Variants in NFIB observed in about 807,000 individuals in gnomAD.
NFIB encodes nuclear factor I B.
Under a neutral mutation model 61.5 loss-of-function variants are expected in NFIB, and 11 were observed. The observed-to-expected ratio is 0.18, with a 90% CI of 0.11 to 0.30. The LOEUF (loss-of-function observed/expected upper bound fraction) is 0.30, where lower values mean the gene tolerates loss of function less well. Among genes scored for constraint, NFIB ranks in the 10% least tolerant of loss-of-function variants. NFIB has a pLI of 1.00. For synonymous variants in NFIB, 260 were observed against 216.5 expected (o/e 1.20, Z -1.76); for missense variants, 471 against 608.9 (o/e 0.77, Z 2.38).
chr9:14,489,333 T>C, the NFIB span, among the ~76,000 whole-genome samples: 2 of 152,172 alleles, frequency 1.3e-5, no homozygotes, highest in African/African-American at 4.8e-5. Flanking sequence ...ATGTAGTTCA[T>C]GAAGAAGTCC....
chr9:14,295,120 G>A (rs1054102765), intron 2 of NFIB, among the ~76,000 whole-genome samples: 1 of 152,214 alleles, frequency 6.6e-6, no homozygotes, highest in African/African-American at 2.4e-5. Flanking sequence ...TTCCTACGGA[G>A]CTCATTTAAT....
chr9:14,506,953 C>A, the NFIB span, among the ~76,000 whole-genome samples: 1 of 152,262 alleles, frequency 6.6e-6, no homozygotes, highest in East Asian at 1.9e-4. Context: ...GTTTTAAATA[C>A]AGACTGTGGG....
At chr9:14,458,941 C>T in the NFIB span, among the ~76,000 whole-genome samples, 7 of 151,996 alleles carry the variant, frequency 4.6e-5, no homozygotes, top group Admixed American at 2.0e-4. Context: ...GGCCATACTG[C>T]CCAAGGTAAT....
At chr9:14,182,602 C>T (rs139977894) in intron 2 of NFIB, among the ~76,000 whole-genome samples, 80 of 152,002 alleles carry the variant, frequency 5.3e-4, no homozygotes, top group African/African-American at 1.9e-3. Context: ...TAAACCCCTT[C>T]CAATTCACCA....
intron 2 of NFIB, among the ~76,000 whole-genome samples, chr9:14,236,207 T>C (rs2053727848): frequency 6.6e-6 from 1 of 152,214 alleles, no homozygotes; most frequent in Non-Finnish European, 1.5e-5. Context: ...TTTATGAATT[T>C]AAGGTTCTCT....
chr9:14,210,502 T>G (rs930764148), intron 2 of NFIB, among the ~76,000 whole-genome samples: 2 of 151,972 alleles, frequency 1.3e-5, no homozygotes, highest in African/African-American at 4.8e-5. Context: ...GCACTTCACT[T>G]ACGAAGAAAA....
chr9:14,426,238 C>G, the NFIB span, among the ~76,000 whole-genome samples: 2 of 152,172 alleles, frequency 1.3e-5, no homozygotes, highest in Non-Finnish European at 2.9e-5. Flanking sequence ...ACTAATCACT[C>G]CATGATTTTC....
the NFIB span, among the ~76,000 whole-genome samples, chr9:14,500,292 C>T: frequency 1.6e-4 from 24 of 152,244 alleles, no homozygotes; most frequent in South Asian, 3.3e-3. Context: ...TTCCCTAAGA[C>T]GTTAAGTGGG....
intron 2 of NFIB, among the ~76,000 whole-genome samples, chr9:14,255,791 G>A (rs529111299): frequency 5.6e-4 from 86 of 152,348 alleles, no homozygotes; most frequent in African/African-American, 1.9e-3. Flanking sequence ...GCACTCAACT[G>A]ACTGTGAGAA....
chr9:14,403,880 A>G (rs2061766237), upstream of NFIB, among the ~76,000 whole-genome samples: 1 of 152,204 alleles, frequency 6.6e-6, no homozygotes, highest in Non-Finnish European at 1.5e-5. Flanking sequence ...TATAAGACAT[A>G]CTCAAGGCCA....
chr9:14,430,830 C>G, the NFIB span, among the ~76,000 whole-genome samples: 1 of 152,144 alleles, frequency 6.6e-6, no homozygotes, highest in Non-Finnish European at 1.5e-5. Flanking sequence ...GATCCAGCCA[C>G]CTCGGCCTCC....
At chr9:14,416,349 A>G in the NFIB span, among the ~76,000 whole-genome samples, 8 of 152,194 alleles carry the variant, frequency 5.3e-5, no homozygotes, top group Non-Finnish European at 1.0e-4. Flanking sequence ...ATTCCAGAAG[A>G]AGGCATTGTT....
intron 1 of NFIB, among the ~76,000 whole-genome samples, chr9:14,375,598 C>T (rs1476906862): frequency 1.3e-5 from 2 of 151,890 alleles, no homozygotes; most frequent in Admixed American, 1.3e-4. Context: ...GTGGAGGTTG[C>T]AGTGAGCTGA....
At chr9:14,476,225 TAG>T in the NFIB span, among the ~76,000 whole-genome samples, 10,718 of 151,294 alleles carry the variant, frequency 0.071, 460 homozygotes, top group East Asian at 0.12. Flanking sequence ...GTCGATTTCC[TAG>T]AGTTTTTCTA....
chr9:14,261,856 C>A (rs765035560), intron 2 of NFIB, among the ~76,000 whole-genome samples: 1 of 152,126 alleles, frequency 6.6e-6, no homozygotes, highest in Non-Finnish European at 1.5e-5. Context: ...GGGAAGGAAC[C>A]AGAGATAATT....
At chr9:14,105,192 A>G (rs1021006574) in intron 10 of NFIB, among the ~76,000 whole-genome samples, 2 of 152,224 alleles carry the variant, frequency 1.3e-5, no homozygotes, top group African/African-American at 4.8e-5. Flanking sequence ...CTTTTCTAAA[A>G]GTAGTCCCAA....
chr9:14,206,711 AAAAAAAAAAACCTAAGGGATGGTTTC>A (rs2049774975), intron 2 of NFIB, among the ~76,000 whole-genome samples: 1 of 150,734 alleles, frequency 6.6e-6, no homozygotes, highest in Non-Finnish European at 1.5e-5. Flanking sequence ...AAAAAAAAAA[AAAAAAAAAAACCTAAGGGATGGTTTC>A]AGATTTTGCC....
chr9:14,422,684 C>T, the NFIB span, among the ~76,000 whole-genome samples: 3 of 152,198 alleles, frequency 2.0e-5, no homozygotes, highest in South Asian at 2.1e-4. Flanking sequence ...GTCATGGGTC[C>T]ACATCTTGGA....
intron 2 of NFIB, chr9:14,204,776 G>C (rs1043124223): frequency 7.6e-6 from 4 of 526,424 alleles, no homozygotes; most frequent in African/African-American, 5.8e-5. Flanking sequence ...TCGTAAAATG[G>C]GGGTCCCTTA....
Sources: allele counts gnomAD v4.1 joint callset (sites outside exome capture counted in the v4.1 genomes callset), GRCh38; gene constraint gnomAD v4.1.1; transcripts MANE v1.5; gene names NCBI Gene and HGNC (gene_info 2026-07-23, HGNC 2026-07-21).